The following MYO15A variants were observed in gnomAD, a reference collection of about 807,000 sequenced individuals.
MYO15A encodes the protein myosin XVA, also known as unconventional myosin-XV.
MYO15A carries 308 observed loss-of-function variants against 394.6 expected under a neutral mutation model. That is an observed-to-expected ratio of 0.78 (90% CI 0.71 to 0.86). MYO15A has a LOEUF of 0.86. Ranked by LOEUF, MYO15A falls within the 40% of genes least tolerant of loss-of-function variation. MYO15A has a pLI of 0.00. For synonymous variants in MYO15A, 1,957 were observed against 2,003.8 expected (o/e 0.98, Z 0.62); for missense variants, 4,606 against 4,799.1 (o/e 0.96, Z 1.19).
Position 18,121,066 on chromosome 17 carries a change from G to A in MYO15A, c.2266G>A (p.Gly756Ser). Residue 756 changes from glycine to serine, a missense_variant, in exon 2 of 66, where the codon GGC becomes AGC. Gly to Ser is a moderately conservative substitution (Grantham distance 56). Transcript: ENST00000647165. The surrounding 1 kb of genome is among the most constrained non-coding windows in gnomAD (Gnocchi z 5.3). ...CTCCCGCCGGAGAGGGGCGGCTTTC[G>A]GCTTCCCCGGGGCCTCTCCACGGGC... The part of the protein sequence containing the change: ...RGSRRRGAAF[G>S]FPGASPRASR... The A allele has an allele frequency of 6.6e-7, 1 of 1,506,802 alleles. No homozygotes were observed. Among genetic ancestry groups the A allele is most frequent in the South Asian group, 1.2e-5 (1 of 81,314 alleles). The allele number at this position is 1,506,802 out of a possible 1,614,324, so 93.3% of individuals were successfully genotyped here.
chr17:18,145,937 C>A lies in MYO15A; in HGVS notation c.6339C>A (p.Ile2113=). ...GGGAGAACATCTTCGGGAACTACAT[C>A]GTGCAGAAGGGGCTGGCGGTGCCTG... is the stretch of plus-strand genomic sequence containing the variant. The part of the protein sequence containing the change: ...GARENIFGNY[I]VQKGLAVPEL... The change falls in exon 30 of 66, where the codon ATC becomes ATA. Residue 2113 remains isoleucine (I), a synonymous_variant. Transcript: ENST00000647165. 1.2e-6 allele frequency: 2 copies of A among 1,613,776 alleles called. No individual in the cohort carries two copies. The highest frequency in any genetic ancestry group is 1.7e-6 in the Non-Finnish European group (2 of 1,180,020).
chr17:18,145,439 C>G (rs2046458473), intron 29 of MYO15A, among the ~76,000 whole-genome samples: 1 of 152,144 alleles, frequency 6.6e-6, no homozygotes, highest in Non-Finnish European at 1.5e-5. Flanking sequence ...GTAGGCCAAG[C>G]ACGGTGGCGC....
intron 62 of MYO15A, among the ~76,000 whole-genome samples, chr17:18,168,393 G>A (rs753276354): frequency 1.3e-5 from 2 of 151,862 alleles, no homozygotes; most frequent in South Asian, 2.1e-4. Flanking sequence ...GTGAAACTCC[G>A]TCTCACTAAA....
rs2046560183 is a variant in MYO15A at position 18,150,502 on chromosome 17, G to A, written c.7286G>A (p.Gly2429Asp). 1.2e-6 allele frequency: 2 copies of A among 1,614,068 alleles called. No individual in the cohort carries two copies. The highest frequency in any genetic ancestry group is 2.2e-5 in the South Asian group (2 of 91,092). ...CAGCCCGGTGGAGGCAGCAGTAGTG[G>A]TACTGAAGACACCCCCAGGAGACCC... ...GGQPGGGSSS[G>D]TEDTPRRPPE... The change falls in exon 36 of 66, where the codon GGT (glycine) becomes GAT (aspartate). Residue 2429 changes from glycine (G) to aspartate (D), a missense_variant. Coordinates refer to ENST00000647165, the MANE Select transcript of MYO15A (RefSeq NM_016239.4). The surrounding 1 kb of genome is among the most constrained non-coding windows in gnomAD (Gnocchi z 4.4).
rs906432074 is a variant in MYO15A, at chr17:18,148,442, A to G, written c.6692-54A>G. 13 of 1,546,658 alleles carry G rather than the reference A, an allele frequency of 8.4e-6. 1 individual carries two copies. The highest frequency in any genetic ancestry group is 4.9e-5 in the East Asian group (2 of 40,892). On this transcript the variant is annotated intron_variant, in intron 31 of 65. Coordinates refer to ENST00000647165, the MANE Select transcript of MYO15A (RefSeq NM_016239.4). This position sits in a 1 kb window ranked among gnomAD's most constrained non-coding sequence, Gnocchi z 4.8. ...AAGGAAGAAGCAAGCAGGGAGGCAC[A>G]GCCAAACTGGACTCAGATGCTCCAA...
In MYO15A at chr17:18,121,307, C is replaced by A; in HGVS notation, c.2507C>A (p.Pro836His). The A allele has an allele frequency of 2.3e-6, 3 of 1,328,192 alleles. No individual in the cohort carries two copies. In the South Asian group the frequency reaches 5.4e-5, roughly 24 times the overall value. 82.3% of individuals were successfully genotyped at this position (1,328,192 alleles called of 1,614,324 possible). ...CGAGCCGCTGGGCGCCTGGGCCCAC[C>A]CGGCTCGCCGCTGCCGGGCTCACCC... ...PRRAAGRLGP[P>H]GSPLPGSPRP... The change falls in exon 2 of 66, where the codon CCC becomes CAC. Residue 836 changes from proline to histidine, a missense_variant. Pro to His is a moderately conservative substitution (Grantham distance 77, BLOSUM62 -2). Coordinates refer to ENST00000647165, the MANE Select transcript of MYO15A (RefSeq NM_016239.4). This position sits in a 1 kb window ranked among gnomAD's most constrained non-coding sequence, Gnocchi z 5.3.
Position 18,147,506 on chromosome 17 carries a change from G to A in MYO15A, c.6510-523G>A, listed in dbSNP as rs2046502658. On this transcript the variant is annotated intron_variant, in intron 30 of 65. Transcript: ENST00000647165. This position sits in a 1 kb window ranked among gnomAD's most constrained non-coding sequence, Gnocchi z 4.4. ...ATGAGGAATGGCTGGTAGGGATTGG[G>A]CTCATTGGGCCTGGGTTGAGTTGAA... is the stretch of plus-strand genomic sequence containing the variant. Among the ~76,000 whole-genome samples, 1 of 152,176 alleles carries A rather than the reference G, an allele frequency of 6.6e-6. No homozygotes were observed. The highest frequency in any genetic ancestry group is 2.1e-4 in the South Asian group (1 of 4,836).
At chr17:18,127,273 G>A in intron 7 of MYO15A, 108 bp downstream of exon 7, 1 of 1,355,182 alleles carries the variant, frequency 7.4e-7, no homozygotes, top group Non-Finnish European at 1.0e-6. Flanking sequence ...AAGATGAGGA[G>A]GCTGAGTTCC....
At chr17:18,143,198 C>A (rs1444141187) in intron 25 of MYO15A, among the ~76,000 whole-genome samples, 1 of 152,220 alleles carries the variant, frequency 6.6e-6, no homozygotes, top group African/African-American at 2.4e-5. Context: ...ACCAGAAAGA[C>A]AAATGCAGTT....
In MYO15A at chr17:18,143,814, G is replaced by T. The variant is rs369719467; in HGVS notation, c.6046+18G>T. Reference sequence around the variant, plus strand: ...AGTGGCAGGTGGGTCAGCACCAGGCGGGGGGAGGGCCCAGGCAGATCAGAG... The same window carrying T: ...AGTGGCAGGTGGGTCAGCACCAGGCTGGGGGAGGGCCCAGGCAGATCAGAG... On this transcript the variant is annotated intron_variant, in intron 27 of 65. Coordinates refer to ENST00000647165, the MANE Select transcript of MYO15A (RefSeq NM_016239.4). The T allele has an allele frequency of 1.2e-5, 19 of 1,572,758 alleles. No homozygotes were observed. The Middle Eastern group carries it at 5.0e-4, about 41-fold the overall frequency.
intron 57 of MYO15A, 142 bp downstream of exon 57, chr17:18,161,589 A>C: frequency 1.5e-6 from 2 of 1,309,026 alleles, no homozygotes; most frequent in Non-Finnish European, 2.2e-6. Context: ...ATACTCCCCA[A>C]ACATTTGTTA....
intron 43 of MYO15A, 53 bp from the exon 44 acceptor site, chr17:18,154,078 A>G: frequency 1.2e-6 from 2 of 1,611,198 alleles, no homozygotes; most frequent in Non-Finnish European, 8.5e-7. Flanking sequence ...GCCGGGTGTG[A>G]AGCAAGGCCA....
chr17:18,160,865 C>A, intron 56 of MYO15A: 1 of 350,260 alleles, frequency 2.9e-6, no homozygotes, highest in Non-Finnish European at 5.6e-6. Context: ...CAGGTCCACC[C>A]TCCTGTCTCC....
In MYO15A at chr17:18,119,225, TCCTCA is replaced by T. The variant is rs780032621; in HGVS notation, c.426_430del (p.Leu143GlufsTer83). On this transcript the variant is annotated frameshift_variant, in exon 2 of 66. Coordinates refer to ENST00000647165, the MANE Select transcript of MYO15A (RefSeq NM_016239.4). LOFTEE classifies it high-confidence loss of function. ...ATCAACTGGCTCACAAAAAAGTTCC[TCCTCA>T]AGAAGGCCGAGGAGTCGGGCAGCGA... 3 of 1,612,432 alleles carry T rather than the reference TCCTCA, an allele frequency of 1.9e-6. No individual in the cohort carries two copies. In the South Asian group the frequency reaches 3.3e-5, roughly 18 times the overall value.
At position 18,140,556 on chromosome 17, in the gene MYO15A, G is replaced by A; in HGVS notation, c.5251G>A (p.Ala1751Thr). The A allele has an allele frequency of 6.2e-7, 1 of 1,613,638 alleles. No homozygotes were observed. The highest frequency in any genetic ancestry group is 1.3e-5 in the African/African-American group (1 of 75,064). ...CTTCTCCAGCCATGCCCCACAGGCT[G>A]CCCCTCAGCGCCTGGGCAAGAGCAG... is the stretch of plus-strand genomic sequence containing the variant. ...HLFSSHAPQA[A>T]PQRLGKSSSV... The change falls in exon 20 of 66, where the codon GCC (alanine) becomes ACC (threonine). Residue 1751 changes from alanine to threonine, a missense_variant. Ala to Thr is a moderately conservative substitution (Grantham distance 58). Coordinates refer to ENST00000647165, the MANE Select transcript of MYO15A (RefSeq NM_016239.4).
At chr17:18,141,243 C>T in intron 22 of MYO15A, 100 bp downstream of exon 22, 1 of 1,549,002 alleles carries the variant, frequency 6.5e-7, no homozygotes, top group Non-Finnish European at 8.8e-7. Context: ...TTGCCATGCA[C>T]AGTTGCTCAG....
chr17:18,160,032 C>A lies in MYO15A; in HGVS notation c.9386+15C>A. 1 of 1,605,554 alleles carries A rather than the reference C, an allele frequency of 6.2e-7. No individual in the cohort carries two copies. The highest frequency in any genetic ancestry group is 1.1e-5 in the South Asian group (1 of 90,858). ...AGCTCCAAGCAGTGAGTGAACTGGA[C>A]TTTACCCCACCATCCCCTCACTGTG... On this transcript the variant is annotated intron_variant, in intron 56 of 65. Coordinates refer to ENST00000647165, the MANE Select transcript of MYO15A (RefSeq NM_016239.4).
chr17:18,149,688 G>A, intron 35 of MYO15A, 108 bp downstream of exon 35: 1 of 1,152,636 alleles, frequency 8.7e-7, no homozygotes, highest in Non-Finnish European at 1.3e-6. Flanking sequence ...CCAGGGTCAT[G>A]GGGTGGTGTG....
chr17:18,172,382 C>T, intron 64 of MYO15A, 92 bp downstream of exon 64: 1 of 1,555,300 alleles, frequency 6.4e-7, no homozygotes, highest in East Asian at 2.3e-5. Flanking sequence ...GCCGCCGAAG[C>T]CCAGTTCCAC....
Sources: allele counts gnomAD v4.1 joint callset (sites outside exome capture counted in the v4.1 genomes callset), GRCh38; gene constraint gnomAD v4.1.1; non-coding constraint Gnocchi (gnomAD v3.1); transcripts MANE v1.5; gene names NCBI Gene and HGNC (gene_info 2026-07-23, HGNC 2026-07-21).